The following SEPTIN7 variants were observed in gnomAD, a reference collection of about 807,000 sequenced individuals.
The protein encoded by SEPTIN7 is septin-7.
Under a neutral mutation model 63.3 loss-of-function variants are expected in SEPTIN7, and 10 were observed. The ratio of observed to expected loss-of-function variants is 0.16; its 90% confidence interval spans 0.10 to 0.27. The LOEUF is 0.27. Among genes scored for constraint, SEPTIN7 ranks in the 10% least tolerant of loss-of-function variants. The pLI, the probability that SEPTIN7 is intolerant of heterozygous loss-of-function variation, is 1.00. For missense variants in SEPTIN7, 310 were observed against 521.0 expected (o/e 0.59, Z 3.94); for synonymous variants, 131 against 165.3 (o/e 0.79, Z 1.59).
rs914314444 is a variant in SEPTIN7 at position 35,876,330 on chromosome 7, C to G, written c.512+2555C>G. Among the ~76,000 whole-genome samples, 11 of 152,050 alleles carry G rather than the reference C, an allele frequency of 7.2e-5. 1 individual carries two copies. Among genetic ancestry groups the G allele is most frequent in the African/African-American group, 2.4e-4 (10 of 41,404 alleles). On this transcript the variant is annotated intron_variant, in intron 6 of 13. Coordinates refer to ENST00000350320, the MANE Select transcript of SEPTIN7 (RefSeq NM_001788.6). Reference sequence around the variant, plus strand: ...AAGATTTATTAAAATTTTGGATTAACTGAACTCTGCTTTTTTGTCACTGGA... The same window carrying G: ...AAGATTTATTAAAATTTTGGATTAAGTGAACTCTGCTTTTTTGTCACTGGA...
chr7:35,887,428 C>T (rs1787329598), intron 10 of SEPTIN7, among the ~76,000 whole-genome samples: 1 of 152,244 alleles, frequency 6.6e-6, no homozygotes, highest in Non-Finnish European at 1.5e-5. Context: ...TGGCTCGCTG[C>T]AGCCTCCACC....
chr7:35,825,477 A>G (rs1287225515), intron 1 of SEPTIN7, among the ~76,000 whole-genome samples: 2 of 152,150 alleles, frequency 1.3e-5, no homozygotes, highest in African/African-American at 4.8e-5. Context: ...ATTAAGGTCT[A>G]CTAGTCAGTC....
chr7:35,858,134 A>C (rs902807304), intron 3 of SEPTIN7, among the ~76,000 whole-genome samples: 4 of 151,786 alleles, frequency 2.6e-5, no homozygotes, highest in African/African-American at 9.7e-5. Flanking sequence ...TAATAGAGAC[A>C]GGGTTTTGCC....
chr7:35,847,994 T>G (rs2116032632), intron 3 of SEPTIN7: 1 of 152,324 alleles, frequency 6.6e-6, no homozygotes, highest in South Asian at 2.1e-4. Flanking sequence ...TTCTATCCAT[T>G]AGATATCCAG....
intron 3 of SEPTIN7, among the ~76,000 whole-genome samples, chr7:35,837,324 G>A (rs1186571363): frequency 1.3e-5 from 2 of 152,036 alleles, no homozygotes; most frequent in East Asian, 3.8e-4. Context: ...TGATTATCTT[G>A]TGATATCGTA....
At chr7:35,885,089 A>ATCCTCCCACATCATGC (rs1286443903) in intron 9 of SEPTIN7, among the ~76,000 whole-genome samples, 47 of 152,024 alleles carry the variant, frequency 3.1e-4, no homozygotes, top group African/African-American at 9.2e-4. Context: ...GCTCAAAGTG[A>ATCCTCCCACATCATGC]TCCTCCCACA....
At chr7:35,913,177 G>C in the SEPTIN7 span, among the ~76,000 whole-genome samples, 18 of 152,122 alleles carry the variant, frequency 1.2e-4, no homozygotes, top group African/African-American at 4.3e-4. Flanking sequence ...TGGACTCTCA[G>C]AGCCACAAGA....
intron 10 of SEPTIN7, among the ~76,000 whole-genome samples, chr7:35,887,627 T>C (rs1388514940): frequency 6.6e-6 from 1 of 152,168 alleles, no homozygotes; most frequent in Admixed American, 6.6e-5. Flanking sequence ...GATTACGGGC[T>C]TGAGCCACCA....
chr7:35,842,762 C>G (rs1028196886), intron 3 of SEPTIN7, among the ~76,000 whole-genome samples: 1 of 152,112 alleles, frequency 6.6e-6, no homozygotes, highest in Non-Finnish European at 1.5e-5. Context: ...GTTACAAGTA[C>G]AGTACATAAC....
At chr7:35,887,245 T>C (rs1161395045) in intron 10 of SEPTIN7, among the ~76,000 whole-genome samples, 2 of 152,254 alleles carry the variant, frequency 1.3e-5, no homozygotes, top group African/African-American at 2.4e-5. Flanking sequence ...TGCCTAGTGC[T>C]TGACACAATG....
intron 1 of SEPTIN7, among the ~76,000 whole-genome samples, chr7:35,822,872 C>T (rs1299020671): frequency 1.3e-5 from 2 of 152,150 alleles, no homozygotes; most frequent in Non-Finnish European, 2.9e-5. Flanking sequence ...CTGTTTTGTT[C>T]TAATATTAAA....
downstream of SEPTIN7, among the ~76,000 whole-genome samples, chr7:35,908,767 C>T (rs368124285): frequency 1.4e-4 from 22 of 152,266 alleles, no homozygotes; most frequent in African/African-American, 4.8e-4. Flanking sequence ...AGCATTTCAC[C>T]GGGAGATTTG....
chr7:35,903,549 C>T (rs1215952998), intron 13 of SEPTIN7, among the ~76,000 whole-genome samples: 4 of 152,116 alleles, frequency 2.6e-5, no homozygotes, highest in African/African-American at 9.7e-5. Flanking sequence ...ATTTTTGGCA[C>T]ACAAAGGGAA....
intron 3 of SEPTIN7, among the ~76,000 whole-genome samples, chr7:35,855,286 G>A (rs1005269747): frequency 1.3e-5 from 2 of 152,050 alleles, no homozygotes; most frequent in Non-Finnish European, 2.9e-5. Flanking sequence ...TCTTTATCAT[G>A]ATTTATACAG....
intron 9 of SEPTIN7, among the ~76,000 whole-genome samples, chr7:35,885,322 G>A (rs543216374): frequency 1.8e-4 from 28 of 152,046 alleles, no homozygotes; most frequent in African/African-American, 3.1e-4. Flanking sequence ...AATACGCACC[G>A]GAGAAATTGA....
At chr7:35,872,854 C>G (rs1271900313) in intron 5 of SEPTIN7, 88 bp downstream of exon 5, 20 of 890,960 alleles carry the variant, frequency 2.2e-5, no homozygotes, top group Non-Finnish European at 3.7e-5. Context: ...TAAAACTTCT[C>G]ATCTTAGCAA....
chr7:35,902,137 C>G (rs1402655720), intron 12 of SEPTIN7: 1 of 150,890 alleles, frequency 6.6e-6, no homozygotes, highest in Non-Finnish European at 1.5e-5. Context: ...GAACATAATT[C>G]CTGGATAACT....
At chr7:35,888,669 A>T (rs1300087885) in intron 10 of SEPTIN7, among the ~76,000 whole-genome samples, 1 of 151,950 alleles carries the variant, frequency 6.6e-6, no homozygotes, top group Non-Finnish European at 1.5e-5. Context: ...AAAATACAAG[A>T]AATAGTCGGG....
intron 4 of SEPTIN7, among the ~76,000 whole-genome samples, chr7:35,866,167 TTC>T (rs1411610991): frequency 6.6e-6 from 1 of 152,234 alleles, no homozygotes; most frequent in Non-Finnish European, 1.5e-5. Context: ...TGGAGGTGTA[TTC>T]TTTTATATAC....
Sources: gnomAD v4.1 joint callset for allele counts (sites outside exome capture counted in the v4.1 genomes callset) on GRCh38, gnomAD v4.1.1 for gene constraint, MANE v1.5 for transcripts, NCBI Gene and HGNC (gene_info 2026-07-23, HGNC 2026-07-21) for gene names.